DENND1A: variants seen among roughly 807,000 people sequenced by gnomAD.
The protein encoded by DENND1A is DENN domain containing 1A.
Under a neutral mutation model 113.7 loss-of-function variants are expected in DENND1A, and 51 were observed. The observed-to-expected ratio is 0.45, with a 90% CI of 0.36 to 0.57. The LOEUF is 0.57. Among genes scored for constraint, DENND1A ranks in the 20% least tolerant of loss-of-function variants. The pLI, the probability that DENND1A is intolerant of heterozygous loss-of-function variation, is 0.00. For missense variants in DENND1A, 1,258 were observed against 1,395.9 expected (o/e 0.90, Z 1.57); for synonymous variants, 565 against 570.8 (o/e 0.99, Z 0.14).
intron 13 of DENND1A, among the ~76,000 whole-genome samples, chr9:123,523,602 A>C (rs891973777): frequency 6.6e-6 from 1 of 152,212 alleles, no homozygotes; most frequent in Non-Finnish European, 1.5e-5. Context: ...TCATACTGTA[A>C]AGTTAACCTA....
chr9:123,625,891 C>A (rs1333582064), intron 10 of DENND1A, among the ~76,000 whole-genome samples: 1 of 152,204 alleles, frequency 6.6e-6, no homozygotes, highest in Non-Finnish European at 1.5e-5. Flanking sequence ...ACTGGTGAAT[C>A]TCTTCCAGGG....
rs569419530 is a variant in DENND1A, at chr9:123,704,351, GT to G, written c.303-27563del. ...GGTAGTCAAGGGCTACATCTTTAGT[GT>G]AAGGATAAAATATTCTGATTAAATT... On this transcript the variant is annotated intron_variant, in intron 5 of 23. Coordinates refer to ENST00000394215, the MANE Select transcript of DENND1A (RefSeq NM_001352964.2). 1.6e-4 allele frequency among the ~76,000 whole-genome samples: 24 copies of G among 152,296 alleles called. No homozygotes were observed. The South Asian group carries it at 5.0e-3, about 32-fold the overall frequency.
chr9:123,856,278 G>C (rs1844179581), intron 2 of DENND1A, among the ~76,000 whole-genome samples: 1 of 152,166 alleles, frequency 6.6e-6, no homozygotes, highest in African/African-American at 2.4e-5. Flanking sequence ...CCACATAGGA[G>C]GGCTTGCACA....
At chr9:123,760,909 T>C (rs2070982874) in intron 4 of DENND1A, among the ~76,000 whole-genome samples, 2 of 152,204 alleles carry the variant, frequency 1.3e-5, no homozygotes, top group South Asian at 4.1e-4. Context: ...GAAACACTAC[T>C]ACGTGATCAT....
chr9:123,433,778 T>A (rs2046314647), intron 19 of DENND1A, among the ~76,000 whole-genome samples: 1 of 152,238 alleles, frequency 6.6e-6, no homozygotes, highest in Non-Finnish European at 1.5e-5. Flanking sequence ...TCCTGTTGCT[T>A]GCTTCGCTTG....
chr9:123,549,847 T>C (rs1451476082), intron 13 of DENND1A, among the ~76,000 whole-genome samples: 1 of 152,240 alleles, frequency 6.6e-6, no homozygotes, highest in African/African-American at 2.4e-5. Context: ...AAAAGGCATA[T>C]GTAGTAAAAA....
chr9:123,839,641 A>C (rs1211320115), intron 2 of DENND1A, among the ~76,000 whole-genome samples: 1 of 152,224 alleles, frequency 6.6e-6, no homozygotes, highest in Non-Finnish European at 1.5e-5. Flanking sequence ...AAGCATTCAA[A>C]GCTTACAATG....
chr9:123,902,590 G>C (rs1851856055), intron 1 of DENND1A, among the ~76,000 whole-genome samples: 1 of 152,128 alleles, frequency 6.6e-6, no homozygotes, highest in Non-Finnish European at 1.5e-5. Context: ...ACTCAAGAAA[G>C]CAAGTGAAAA....
At chr9:123,619,520 G>T (rs1011739670) in intron 10 of DENND1A, among the ~76,000 whole-genome samples, 2 of 152,106 alleles carry the variant, frequency 1.3e-5, no homozygotes, top group South Asian at 2.1e-4. Flanking sequence ...TCCACGTTCA[G>T]GTGATTCTTC....
intron 8 of DENND1A, among the ~76,000 whole-genome samples, chr9:123,663,540 T>G (rs915126708): frequency 6.6e-6 from 1 of 152,248 alleles, no homozygotes; most frequent in Non-Finnish European, 1.5e-5. Flanking sequence ...CATTTTAAAA[T>G]AATCCTTCAG....
chr9:123,529,667 C>G (rs1182523998), intron 13 of DENND1A, among the ~76,000 whole-genome samples: 1 of 152,146 alleles, frequency 6.6e-6, no homozygotes, highest in Non-Finnish European at 1.5e-5. Flanking sequence ...GGAAAAGAGG[C>G]CAGATATAAC....
At chr9:123,479,281 CCT>C (rs1184594844) in intron 13 of DENND1A, among the ~76,000 whole-genome samples, 1 of 152,196 alleles carries the variant, frequency 6.6e-6, no homozygotes, top group Non-Finnish European at 1.5e-5. Context: ...AACATGATCG[CCT>C]CTCATTTGCT....
chr9:123,926,226 T>C (rs1857067402), intron 1 of DENND1A, among the ~76,000 whole-genome samples: 1 of 152,196 alleles, frequency 6.6e-6, no homozygotes, highest in Admixed American at 6.5e-5. Context: ...TCTTTTTTTG[T>C]CCATTAAATG....
chr9:123,466,667 A>G (rs2048976911), intron 13 of DENND1A, among the ~76,000 whole-genome samples: 1 of 152,228 alleles, frequency 6.6e-6, no homozygotes, highest in Non-Finnish European at 1.5e-5. Context: ...TAAAGGAACC[A>G]TGGTTGTTTT....
At chr9:123,518,984 C>T (rs2054165564) in intron 13 of DENND1A, among the ~76,000 whole-genome samples, 1 of 152,224 alleles carries the variant, frequency 6.6e-6, no homozygotes, top group Non-Finnish European at 1.5e-5. Flanking sequence ...AAATCTGTAA[C>T]TTCAACTCAA....
intron 1 of DENND1A, among the ~76,000 whole-genome samples, chr9:123,920,564 G>C (rs1430991262): frequency 6.6e-6 from 1 of 151,956 alleles, no homozygotes; most frequent in East Asian, 1.9e-4. Context: ...AACATTAAGT[G>C]GTTTTTTTAC....
intron 18 of DENND1A, among the ~76,000 whole-genome samples, chr9:123,443,933 G>A (rs1248558404): frequency 6.6e-6 from 1 of 152,062 alleles, no homozygotes; most frequent in Non-Finnish European, 1.5e-5. Context: ...CTCCAGCCTG[G>A]GCAACAGAGT....
At chr9:123,447,722 G>C (rs2047406927) in intron 18 of DENND1A, among the ~76,000 whole-genome samples, 1 of 151,580 alleles carries the variant, frequency 6.6e-6, no homozygotes, top group Admixed American at 6.6e-5. Flanking sequence ...GTCTATATTA[G>C]AGGCATCTGG....
At position 123,625,398 on chromosome 9, in the gene DENND1A, C is replaced by T. The variant is rs577949345; in HGVS notation, c.719+4978G>A. Among the ~76,000 whole-genome samples the T allele has an allele frequency of 1.2e-4, 19 of 152,346 alleles. No individual in the cohort carries two copies. The South Asian group carries it at 2.5e-3, about 20-fold the overall frequency. On this transcript the variant is annotated intron_variant, in intron 10 of 23. Transcript: ENST00000394215. ...TCCACAGTTCCAGGAATGTAAGCTG[C>T]CTGTTTTAAACTAGCTAACAATTTA...
Sources: gnomAD v4.1 joint callset for allele counts (sites outside exome capture counted in the v4.1 genomes callset) on GRCh38, gnomAD v4.1.1 for gene constraint, MANE v1.5 for transcripts, NCBI Gene and HGNC (gene_info 2026-07-23, HGNC 2026-07-21) for gene names.